MTA3: variants seen among roughly 807,000 people sequenced by gnomAD.
MTA3 encodes the protein metastasis-associated protein MTA3.
Under a neutral mutation model 83.5 loss-of-function variants are expected in MTA3, and 34 were observed. The observed-to-expected ratio is 0.41, with a 90% CI of 0.31 to 0.54. The LOEUF (loss-of-function observed/expected upper bound fraction) is 0.54, where lower values mean the gene tolerates loss of function less well. Ranked by LOEUF, MTA3 falls within the 20% of genes least tolerant of loss-of-function variation. The pLI is 0.33. For missense variants in MTA3, 761 were observed against 726.4 expected, an observed-to-expected ratio of 1.05 and a Z score of -0.55; for synonymous variants, 303 against 252.7, an observed-to-expected ratio of 1.20 and a Z score of -1.89.
chr2:42,643,239 G>C (rs1405819157), intron 5 of MTA3, among the ~76,000 whole-genome samples: 20 of 151,914 alleles, frequency 1.3e-4, no homozygotes, highest in Non-Finnish European at 2.9e-4. Flanking sequence ...AGTTTCCTTT[G>C]CTGGGGCTTG....
At chr2:42,514,000 G>C (rs1021593084) in intron 2 of MTA3, among the ~76,000 whole-genome samples, 3 of 152,170 alleles carry the variant, frequency 2.0e-5, no homozygotes, top group Non-Finnish European at 2.9e-5. Flanking sequence ...GATCACCTGA[G>C]GTCAGGAGTT....
At chr2:42,661,446 G>A (rs1392706686) in intron 8 of MTA3, among the ~76,000 whole-genome samples, 1 of 144,256 alleles carries the variant, frequency 6.9e-6, no homozygotes. Context: ...GTTGCAGTGA[G>A]CTGAGATCAT....
At chr2:42,553,143 G>C (rs1677197876) in intron 2 of MTA3, among the ~76,000 whole-genome samples, 2 of 151,756 alleles carry the variant, frequency 1.3e-5, no homozygotes, top group Admixed American at 1.3e-4. Context: ...TAGGCTGGGT[G>C]GGCCGGGCGC....
chr2:42,517,000 C>T (rs892372241), intron 2 of MTA3, among the ~76,000 whole-genome samples: 1 of 152,172 alleles, frequency 6.6e-6, no homozygotes, highest in East Asian at 1.9e-4. Flanking sequence ...TGGCTCACGC[C>T]TGTAAACCCA....
At chr2:42,624,034 A>G (rs984050483) in intron 4 of MTA3, among the ~76,000 whole-genome samples, 3 of 151,958 alleles carry the variant, frequency 2.0e-5, no homozygotes, top group Non-Finnish European at 2.9e-5. Context: ...ATTTAAAGGT[A>G]TGGTTGGAGG....
intron 9 of MTA3, among the ~76,000 whole-genome samples, chr2:42,683,731 C>G (rs181476172): frequency 6.6e-6 from 1 of 152,016 alleles, no homozygotes; most frequent in African/African-American, 2.4e-5. Flanking sequence ...TTCATGCTCC[C>G]GTGAGAATCT....
At chr2:42,720,402 C>G (rs1667320888) in intron 15 of MTA3, among the ~76,000 whole-genome samples, 1 of 152,016 alleles carries the variant, frequency 6.6e-6, no homozygotes, top group Admixed American at 6.6e-5. Flanking sequence ...AGGAGGGTCT[C>G]AATCTCCTGA....
chr2:42,697,258 A>G (rs1447549669), intron 10 of MTA3, among the ~76,000 whole-genome samples: 1 of 152,180 alleles, frequency 6.6e-6, no homozygotes, highest in African/African-American at 2.4e-5. Context: ...CTGAGGTTTA[A>G]AGTTTAATGC....
intron 8 of MTA3, among the ~76,000 whole-genome samples, chr2:42,678,048 C>T (rs1016861579): frequency 6.6e-6 from 1 of 152,136 alleles, no homozygotes; most frequent in African/African-American, 2.4e-5. Context: ...TACAGCTAAA[C>T]TACACAGTCT....
upstream of MTA3, among the ~76,000 whole-genome samples, chr2:42,565,096 T>C (rs551930979): frequency 6.6e-6 from 1 of 152,052 alleles, no homozygotes; most frequent in Non-Finnish European, 1.5e-5. Context: ...AATCTCTTTT[T>C]ATTTTTTCGC....
chr2:42,528,374 C>G (rs1214922984), intron 2 of MTA3, among the ~76,000 whole-genome samples: 1 of 152,052 alleles, frequency 6.6e-6, no homozygotes, highest in East Asian at 1.9e-4. Context: ...CACCTGCCAC[C>G]ACACCCGGCT....
chr2:42,719,095 G>A (rs1667230239), intron 15 of MTA3, 21 bp downstream of exon 15: 1 of 1,513,828 alleles, frequency 6.6e-7, no homozygotes, highest in African/African-American at 1.4e-5. Context: ...TCTAATAGAG[G>A]AAAAACTCAA....
intron 2 of MTA3, among the ~76,000 whole-genome samples, chr2:42,514,682 C>CCTTTTT (rs1201134677): frequency 1.9e-5 from 1 of 53,492 alleles, no homozygotes; most frequent in African/African-American, 8.5e-5. Flanking sequence ...CGCCCAGCCC[C>CCTTTTT]TTTTTTTTTT....
At chr2:42,575,858 C>T (rs1341505897) in intron 2 of MTA3, among the ~76,000 whole-genome samples, 1 of 152,138 alleles carries the variant, frequency 6.6e-6, no homozygotes, top group Non-Finnish European at 1.5e-5. Context: ...GAAATGCCCC[C>T]CTCATCCATC....
At position 42,629,922 on chromosome 2, in the gene MTA3, C is replaced by T. The variant is rs540986632; in HGVS notation, c.318-10251C>T. 2.0e-5 allele frequency among the ~76,000 whole-genome samples: 3 copies of T among 152,006 alleles called. No homozygotes were observed. In the South Asian group the frequency reaches 6.2e-4, roughly 32 times the overall value. ...GCCTCCTGAGTAGCTGGGATTACAG[C>T]GGCCTGTCACCACACCCGGCTAACT... On this transcript the variant is annotated intron_variant, in intron 4 of 16. Transcript: ENST00000405094.
intron 8 of MTA3, among the ~76,000 whole-genome samples, chr2:42,675,842 A>G (rs781579616): frequency 1.3e-5 from 2 of 152,188 alleles, no homozygotes; most frequent in African/African-American, 2.4e-5. Flanking sequence ...CTTAAGGGTA[A>G]GATTAGACTA....
At chr2:42,557,258 A>G (rs4953436) in intron 2 of MTA3, among the ~76,000 whole-genome samples, 117,374 of 151,190 alleles carry the variant, frequency 0.78, 46,156 homozygotes, top group African/African-American at 0.9. Flanking sequence ...CAGCCTGGGC[A>G]ACAGAGAGAG....
intron 2 of MTA3, among the ~76,000 whole-genome samples, chr2:42,556,063 C>G (rs1475548720): frequency 6.6e-6 from 1 of 151,508 alleles, no homozygotes; most frequent in Non-Finnish European, 1.5e-5. Context: ...CAGAGCGAGA[C>G]TCTGTCTCAA....
At chr2:42,541,768 C>A (rs1168914442) in intron 2 of MTA3, among the ~76,000 whole-genome samples, 1 of 152,176 alleles carries the variant, frequency 6.6e-6, no homozygotes, top group Non-Finnish European at 1.5e-5. Flanking sequence ...CCCTTCCAGT[C>A]CTAAGGATAT....
Sources: allele counts gnomAD v4.1 joint callset (sites outside exome capture counted in the v4.1 genomes callset), GRCh38; gene constraint gnomAD v4.1.1; transcripts MANE v1.5; gene names NCBI Gene and HGNC (gene_info 2026-07-23, HGNC 2026-07-21).